The following SPPL3 variants were observed in gnomAD, a reference collection of about 807,000 sequenced individuals.
The protein encoded by SPPL3 is signal peptide peptidase-like 3.
Under a neutral mutation model 42.4 loss-of-function variants are expected in SPPL3, and 5 were observed. The ratio of observed to expected loss-of-function variants is 0.12; its 90% CI spans 0.06 to 0.25. SPPL3 has a LOEUF of 0.25. Among genes scored for constraint, SPPL3 ranks in the 10% least tolerant of loss-of-function variants. SPPL3 has a pLI of 1.00. For synonymous variants in SPPL3, 195 were observed against 181.8 expected, an observed-to-expected ratio of 1.07 and a Z score of -0.58; for missense variants, 235 against 489.0, an observed-to-expected ratio of 0.48 and a Z score of 4.90.
chr12:120,896,777 TC>T (rs2137070927), intron 1 of SPPL3, among the ~76,000 whole-genome samples: 1 of 150,172 alleles, frequency 6.7e-6, no homozygotes, highest in East Asian at 1.9e-4. Context: ...AGACTCCGTT[TC>T]AAAAAAAAAA....
At chr12:120,851,630 G>A (rs1872227560) in intron 1 of SPPL3, among the ~76,000 whole-genome samples, 1 of 152,028 alleles carries the variant, frequency 6.6e-6, no homozygotes, top group Admixed American at 6.6e-5. Context: ...TTGAGACAGG[G>A]TTTCACTCTG....
At chr12:120,799,836 C>G (rs1373204789) in intron 2 of SPPL3, among the ~76,000 whole-genome samples, 1 of 152,170 alleles carries the variant, frequency 6.6e-6, no homozygotes, top group African/African-American at 2.4e-5. Flanking sequence ...CTGGGCTTAG[C>G]AGATCCCATG....
At chr12:120,808,267 G>T (rs1870570775) in intron 2 of SPPL3, among the ~76,000 whole-genome samples, 1 of 151,784 alleles carries the variant, frequency 6.6e-6, no homozygotes, top group African/African-American at 2.4e-5. Flanking sequence ...TGGTAGATGG[G>T]GTTTCACCAT....
intron 2 of SPPL3, among the ~76,000 whole-genome samples, chr12:120,802,409 GTGTGTGTATATATA>G (rs1870339388): frequency 9.0e-6 from 1 of 111,692 alleles, no homozygotes; most frequent in African/African-American, 4.7e-5. Context: ...GTGTGTGTGT[GTGTGTGTATATATA>G]TATATATATT....
chr12:120,790,177 C>T (rs1335439520), intron 3 of SPPL3, among the ~76,000 whole-genome samples: 1 of 152,160 alleles, frequency 6.6e-6, no homozygotes, highest in East Asian at 1.9e-4. Context: ...CTAGTAATAA[C>T]TACTGGTATG....
Position 120,781,555 on chromosome 12 carries a change from GTTTTTTTTTTT to G in SPPL3, c.502+1089_502+1099del, listed in dbSNP as rs527339173. Among the ~76,000 whole-genome samples, 207 of 63,010 alleles carry G rather than the reference GTTTTTTTTTTT, an allele frequency of 3.3e-3. 11 individuals carry two copies. Among genetic ancestry groups the G allele is most frequent in the African/African-American group, 0.013 (195 of 14,642 alleles). 41.3% of individuals were successfully genotyped at this position (63,010 alleles called of 152,430 possible). The stretch of plus-strand genomic sequence containing the variant: ...TCTAATCCCATCTCCTTATTGTTAC[GTTTTTTTTTTT>G]TTTTTTTTTTTTTTTTTTTTTTTTT... On this transcript the variant is annotated intron_variant, in intron 6 of 10. Transcript: ENST00000353487.
chr12:120,802,384 T>C (rs948142782), intron 2 of SPPL3, among the ~76,000 whole-genome samples: 95 of 137,752 alleles, frequency 6.9e-4, no homozygotes, highest in Non-Finnish European at 1.3e-3. Context: ...TATATGTATA[T>C]ATATACACAT....
At position 120,848,473 on chromosome 12, in the gene SPPL3, A is replaced by G. The variant is rs192304458; in HGVS notation, c.24-37587T>C. Among the ~76,000 whole-genome samples the G allele has an allele frequency of 2.0e-5, 3 of 152,262 alleles. No individual in the cohort carries two copies. In the East Asian group the frequency reaches 5.8e-4, roughly 29 times the overall value. ...AAACTGCTATTTCTTGTCCAATCTA[A>G]TGACTGAGAATAGTGGTATCATTAA... On this transcript the variant is annotated intron_variant, in intron 1 of 10. Coordinates refer to ENST00000353487, the MANE Select transcript of SPPL3 (RefSeq NM_139015.5).
chr12:120,820,384 T>C (rs1293849482), intron 1 of SPPL3, among the ~76,000 whole-genome samples: 3 of 150,092 alleles, frequency 2.0e-5, no homozygotes, highest in African/African-American at 7.4e-5. Context: ...GGCACAACCT[T>C]GGCTCACTGC....
chr12:120,833,450 G>A (rs188635655), intron 1 of SPPL3, among the ~76,000 whole-genome samples: 2 of 152,140 alleles, frequency 1.3e-5, no homozygotes, highest in Non-Finnish European at 2.9e-5. Flanking sequence ...ATAGGATGGA[G>A]AGCATTTGGG....
At chr12:120,791,601 A>G (rs1360132797) in intron 2 of SPPL3, 44 bp from the exon 3 acceptor site, 1 of 1,346,960 alleles carries the variant, frequency 7.4e-7, no homozygotes, top group Non-Finnish European at 1.0e-6. Context: ...TTTGCTTACA[A>G]AAGAAGGTCA....
At chr12:120,847,928 A>C (rs1872097180) in intron 1 of SPPL3, among the ~76,000 whole-genome samples, 1 of 152,140 alleles carries the variant, frequency 6.6e-6, no homozygotes, top group South Asian at 2.1e-4. Context: ...GAGAGAAAGG[A>C]GATAATCACA....
chr12:120,901,957 C>A, intron 1 of SPPL3: 2 of 985,208 alleles, frequency 2.0e-6, no homozygotes, highest in Non-Finnish European at 2.4e-6. Context: ...CTCTGTACAG[C>A]ACAGTAAAAA....
intron 1 of SPPL3, among the ~76,000 whole-genome samples, chr12:120,822,886 T>C (rs879624061): frequency 6.6e-6 from 1 of 152,020 alleles, no homozygotes; most frequent in East Asian, 1.9e-4. Flanking sequence ...CTGTCCTATC[T>C]TATGTATCAC....
chr12:120,825,975 C>CCAGTGAGAGAATGAGTG, intron 1 of SPPL3, among the ~76,000 whole-genome samples: 1 of 89,346 alleles, frequency 1.1e-5, no homozygotes. Context: ...TGGTGACACA[C>CCAGTGAGAGAATGAGTG]TCACTGGTCA....
chr12:120,797,682 AAAC>A (rs1870149660), intron 2 of SPPL3, among the ~76,000 whole-genome samples: 1 of 152,190 alleles, frequency 6.6e-6, no homozygotes, highest in Non-Finnish European at 1.5e-5. Flanking sequence ...GGGGGTACCA[AAAC>A]ATTGATGAAT....
At chr12:120,858,026 C>T (rs1313037718) in intron 1 of SPPL3, among the ~76,000 whole-genome samples, 1 of 151,694 alleles carries the variant, frequency 6.6e-6, no homozygotes, top group East Asian at 1.9e-4. Flanking sequence ...AACAGGAAAG[C>T]ACTGTGGTTT....
At chr12:120,847,395 C>T (rs1872078265) in intron 1 of SPPL3, among the ~76,000 whole-genome samples, 1 of 152,054 alleles carries the variant, frequency 6.6e-6, no homozygotes, top group Non-Finnish European at 1.5e-5. Context: ...TGGGTTCAAG[C>T]AATTCTCCAG....
intron 1 of SPPL3, among the ~76,000 whole-genome samples, chr12:120,877,505 G>C (rs1289391784): frequency 6.6e-6 from 1 of 152,222 alleles, no homozygotes; most frequent in Non-Finnish European, 1.5e-5. Context: ...ACCCGGCCAG[G>C]AGTGGTGGCT....
Sources: allele counts gnomAD v4.1 joint callset (sites outside exome capture counted in the v4.1 genomes callset), GRCh38; gene constraint gnomAD v4.1.1; transcripts MANE v1.5; gene names NCBI Gene and HGNC (gene_info 2026-07-23, HGNC 2026-07-21).